The following HOMER1 variants were observed in gnomAD, a reference collection of about 807,000 sequenced individuals.
The protein encoded by HOMER1 is homer scaffold protein 1.
HOMER1 carries 3 observed loss-of-function variants against 48.9 expected under a neutral mutation model. That is an observed-to-expected ratio of 0.06 (90% CI 0.03 to 0.16). HOMER1 has a LOEUF of 0.16. HOMER1 is among the 10% of genes least tolerant of loss of function. HOMER1 has a pLI of 1.00. For synonymous variants in HOMER1, 134 were observed against 146.4 expected (o/e 0.92, Z 0.61); for missense variants, 247 against 411.4 (o/e 0.60, Z 3.46).
chr5:79,392,609 A>T (rs1749279287), intron 8 of HOMER1, among the ~76,000 whole-genome samples: 1 of 152,218 alleles, frequency 6.6e-6, no homozygotes, highest in Non-Finnish European at 1.5e-5. Context: ...AGCTAAGGCT[A>T]ATTTATTATT....
At chr5:79,433,814 T>A (rs1262213562) in intron 5 of HOMER1, among the ~76,000 whole-genome samples, 1 of 152,172 alleles carries the variant, frequency 6.6e-6, no homozygotes, top group African/African-American at 2.4e-5. Context: ...CCCATACAGA[T>A]GTCATACATT....
intron 1 of HOMER1, among the ~76,000 whole-genome samples, chr5:79,503,534 G>GAA (rs751672080): frequency 4.0e-4 from 7 of 17,308 alleles, no homozygotes; most frequent in African/African-American, 1.4e-3. Context: ...GTCACAAAGA[G>GAA]AAAAAAAAAA....
At chr5:79,462,418 A>T (rs1434673362) in intron 1 of HOMER1, among the ~76,000 whole-genome samples, 1 of 152,224 alleles carries the variant, frequency 6.6e-6, no homozygotes, top group East Asian at 1.9e-4. Flanking sequence ...ATCTTGAGCT[A>T]CAATTCTTTA....
At chr5:79,459,961 G>A (rs1751272269) in intron 1 of HOMER1, among the ~76,000 whole-genome samples, 2 of 152,106 alleles carry the variant, frequency 1.3e-5, no homozygotes, top group South Asian at 4.1e-4. Flanking sequence ...AGTTCATGAG[G>A]GTGTCTACTG....
At position 79,455,416 on chromosome 5, in the gene HOMER1, C is replaced by T. The variant is rs143166493; in HGVS notation, c.162+1446G>A. Among the ~76,000 whole-genome samples the T allele has an allele frequency of 1.8e-3, 271 of 152,238 alleles. 4 individuals are homozygous for T. Among genetic ancestry groups the T allele is most frequent in the Admixed American group, 0.014 (220 of 15,288 alleles). ...GCTGTTCTTGTGATAGTGACTCTCA[C>T]GAGATCTGATGGTTTTATACGCATC... is the stretch of plus-strand genomic sequence containing the variant. On this transcript the variant is annotated intron_variant, in intron 2 of 8. Transcript: ENST00000334082.
At chr5:79,488,824 A>G (rs1752191412) in intron 1 of HOMER1, among the ~76,000 whole-genome samples, 2 of 152,328 alleles carry the variant, frequency 1.3e-5, no homozygotes, top group Admixed American at 6.5e-5. Flanking sequence ...CATTTCACAG[A>G]TGAGGAAAAT....
chr5:79,406,568 C>T (rs895209108), intron 5 of HOMER1, among the ~76,000 whole-genome samples: 2 of 152,174 alleles, frequency 1.3e-5, no homozygotes, highest in African/African-American at 4.8e-5. Context: ...GGAGAGACTT[C>T]CATTTGGGAA....
chr5:79,397,701 C>T, intron 6 of HOMER1, 64 bp from the exon 7 acceptor site: 1 of 880,732 alleles, frequency 1.1e-6, no homozygotes, highest in Admixed American at 2.2e-5. Context: ...TTGCTAAATA[C>T]ATAGCCCCAA....
intron 1 of HOMER1, among the ~76,000 whole-genome samples, chr5:79,471,080 G>A (rs530411948): frequency 1.3e-5 from 2 of 152,194 alleles, no homozygotes; most frequent in Admixed American, 6.5e-5. Flanking sequence ...AAGCAAGCAC[G>A]ACAAAATGCA....
At chr5:79,469,581 C>T (rs1457205037) in intron 1 of HOMER1, among the ~76,000 whole-genome samples, 1 of 152,084 alleles carries the variant, frequency 6.6e-6, no homozygotes, top group African/African-American at 2.4e-5. Flanking sequence ...CTCAATTTCC[C>T]AAGATTATCC....
At chr5:79,403,732 C>T (rs1270107666) in intron 5 of HOMER1, among the ~76,000 whole-genome samples, 4 of 152,142 alleles carry the variant, frequency 2.6e-5, no homozygotes, top group Non-Finnish European at 5.9e-5. Flanking sequence ...ATTATGGTTA[C>T]ACAAGATGTT....
Position 79,375,734 on chromosome 5 carries a change from T to C in HOMER1, c.*275A>G, listed in dbSNP as rs1748752815. 3.7e-6 allele frequency: 1 copy of C among 270,790 alleles called. No individual in the cohort carries two copies. The allele number at this position is 270,790 out of a possible 1,614,324, so 16.8% of individuals were successfully genotyped here. On this transcript the variant is annotated 3_prime_UTR_variant, in exon 9 of 9. Coordinates refer to ENST00000334082, the MANE Select transcript of HOMER1 (RefSeq NM_004272.5). The stretch of plus-strand genomic sequence containing the variant: ...TCAGGAAAAAAGATTGCATTAAGTG[T>C]CTATTTATAACTTTCTAGTTAACTA...
In HOMER1 at chr5:79,425,768, C is replaced by T. The variant is rs561927602; in HGVS notation, c.527+13242G>A. Among the ~76,000 whole-genome samples, 10 of 151,796 alleles carry T rather than the reference C, an allele frequency of 6.6e-5. 1 individual carries two copies. In the South Asian group the frequency reaches 2.1e-3, roughly 31 times the overall value. On this transcript the variant is annotated intron_variant, in intron 5 of 8. Coordinates refer to ENST00000334082, the MANE Select transcript of HOMER1 (RefSeq NM_004272.5). ...AATTACTAGTATCCATTCTCTGTAA[C>T]TCTAGAGAAAAAAAAAATCTATTAT... is the stretch of plus-strand genomic sequence containing the variant.
chr5:79,415,740 TTA>T (rs1471593634), intron 5 of HOMER1, among the ~76,000 whole-genome samples: 2 of 152,244 alleles, frequency 1.3e-5, no homozygotes, highest in African/African-American at 4.8e-5. Context: ...ATGTATGCCT[TTA>T]TCACTCTATA....
At position 79,391,010 on chromosome 5, in the gene HOMER1, C is replaced by T. The variant is rs570255689; in HGVS notation, c.876+5813G>A. The stretch of plus-strand genomic sequence containing the variant: ...AAAGAATGAAAAAAAGGAATTAAAT[C>T]CCCTTTCAAAATGCTAAAAAAATAA... On this transcript the variant is annotated intron_variant, in intron 8 of 8. Transcript: ENST00000334082. Among the ~76,000 whole-genome samples the T allele has an allele frequency of 3.6e-4, 54 of 151,844 alleles. No individual in the cohort carries two copies. In the South Asian group the frequency reaches 0.01, roughly 29 times the overall value.
At chr5:79,385,674 C>T (rs1466846774) in intron 8 of HOMER1, among the ~76,000 whole-genome samples, 5 of 151,824 alleles carry the variant, frequency 3.3e-5, no homozygotes, top group Admixed American at 3.3e-4. Flanking sequence ...TAAACCCCAT[C>T]TCTACTAAAA....
At chr5:79,495,672 C>T (rs890534071) in intron 1 of HOMER1, among the ~76,000 whole-genome samples, 16 of 152,188 alleles carry the variant, frequency 1.1e-4, no homozygotes, top group African/African-American at 3.9e-4. Flanking sequence ...TGAGTCAGTG[C>T]TCTGTTTTCC....
At chr5:79,434,136 T>C (rs1177631298) in intron 5 of HOMER1, among the ~76,000 whole-genome samples, 1 of 152,146 alleles carries the variant, frequency 6.6e-6, no homozygotes, top group Non-Finnish European at 1.5e-5. Context: ...ACTGCTAATG[T>C]ATATGTCTTT....
At chr5:79,423,355 A>G (rs992189915) in intron 5 of HOMER1, among the ~76,000 whole-genome samples, 1 of 152,154 alleles carries the variant, frequency 6.6e-6, no homozygotes, top group Non-Finnish European at 1.5e-5. Flanking sequence ...GTAGTTCAGA[A>G]ATTTATCCCA....
Sources: gnomAD v4.1 joint callset for allele counts (sites outside exome capture counted in the v4.1 genomes callset) on GRCh38, gnomAD v4.1.1 for gene constraint, MANE v1.5 for transcripts, NCBI Gene and HGNC (gene_info 2026-07-23, HGNC 2026-07-21) for gene names.